CHCHD3: variants seen among roughly 807,000 people sequenced by gnomAD.
CHCHD3 encodes the protein coiled-coil-helix-coiled-coil-helix domain containing 3, also known as MICOS complex subunit MIC19.
A neutral mutation model predicts 38.2 loss-of-function variants in CHCHD3; 20 were observed. The ratio of observed to expected loss-of-function variants is 0.52; its 90% CI spans 0.37 to 0.76. The LOEUF (loss-of-function observed/expected upper bound fraction) is 0.76. CHCHD3 is among the 30% of genes least tolerant of loss of function. The pLI, the probability that CHCHD3 is intolerant of heterozygous loss-of-function variation, is 0.00. For missense variants in CHCHD3, 245 were observed against 279.2 expected, an observed-to-expected ratio of 0.88 and a Z score of 0.87; for synonymous variants, 82 against 100.0, an observed-to-expected ratio of 0.82 and a Z score of 1.07.
intron 2 of CHCHD3, among the ~76,000 whole-genome samples, chr7:133,027,363 A>AGAGAGAGAGAGAGAGAG (rs1554402334): frequency 1.5e-5 from 2 of 133,792 alleles, no homozygotes; most frequent in African/African-American, 2.7e-5. Context: ...AATAAGTTGT[A>AGAGAGAGAGAGAGAGAG]AGAGAGAGAG....
chr7:132,895,630 C>T (rs1180404405), intron 4 of CHCHD3, among the ~76,000 whole-genome samples: 1 of 152,210 alleles, frequency 6.6e-6, no homozygotes, highest in African/African-American at 2.4e-5. Flanking sequence ...GTCCTCATGA[C>T]AGTGAATAAG....
chr7:133,034,957 A>G, intron 2 of CHCHD3: 1 of 1,601,250 alleles, frequency 6.2e-7, no homozygotes, highest in South Asian at 1.1e-5. Context: ...TCTGAGTACC[A>G]CAGGGACCAG....
At chr7:132,949,886 A>C (rs1423370815) in intron 4 of CHCHD3, among the ~76,000 whole-genome samples, 1 of 152,176 alleles carries the variant, frequency 6.6e-6, no homozygotes, top group Non-Finnish European at 1.5e-5. Flanking sequence ...TAGTCTAGAC[A>C]CAAAAAGTAG....
At chr7:132,953,152 A>C (rs1375285936) in intron 4 of CHCHD3, among the ~76,000 whole-genome samples, 15 of 152,176 alleles carry the variant, frequency 9.9e-5, no homozygotes, top group Non-Finnish European at 1.0e-4. Flanking sequence ...AGCCTTATAG[A>C]GTCCTTCACT....
intron 6 of CHCHD3, among the ~76,000 whole-genome samples, chr7:132,829,119 C>G (rs919270719): frequency 1.3e-5 from 2 of 152,268 alleles, no homozygotes; most frequent in East Asian, 3.9e-4. Context: ...AAGCCCTTAA[C>G]AAGTAAATGA....
intron 6 of CHCHD3, among the ~76,000 whole-genome samples, chr7:132,836,367 G>C (rs894775102): frequency 4.6e-5 from 7 of 152,150 alleles, no homozygotes; most frequent in African/African-American, 1.7e-4. Context: ...TGATCTGCCT[G>C]CCTCAGTCTC....
At chr7:132,965,059 A>ATG (rs5887603) in intron 4 of CHCHD3, among the ~76,000 whole-genome samples, 3,166 of 148,118 alleles carry the variant, frequency 0.021, 98 homozygotes, top group African/African-American at 0.061. Flanking sequence ...TATGGGTTTT[A>ATG]TGTGTGTGTG....
intron 2 of CHCHD3, among the ~76,000 whole-genome samples, chr7:133,055,361 T>C (rs921994539): frequency 9.6e-5 from 14 of 145,640 alleles, no homozygotes; most frequent in African/African-American, 3.2e-4. Context: ...GTATTATATA[T>C]TTGATTATAA....
intron 3 of CHCHD3, among the ~76,000 whole-genome samples, chr7:133,020,577 T>C (rs1813151860): frequency 6.6e-6 from 1 of 152,230 alleles, no homozygotes; most frequent in Non-Finnish European, 1.5e-5. Flanking sequence ...TTATCAATTC[T>C]AGGATGCATA....
chr7:133,011,086 A>T lies in CHCHD3; in HGVS notation c.251+13460T>A, dbSNP rs149267513. Among the ~76,000 whole-genome samples, 142 of 152,276 alleles carry T rather than the reference A, an allele frequency of 9.3e-4. 1 individual carries two copies. Among genetic ancestry groups the T allele is most frequent in the African/African-American group, 3.2e-3 (135 of 41,564 alleles). On this transcript the variant is annotated intron_variant, in intron 3 of 7. Coordinates refer to ENST00000262570, the MANE Select transcript of CHCHD3 (RefSeq NM_017812.4). ...TCAGCCATGCAAAATATGAAGTGCA[A>T]ATATTCTGGACAAGGAGCTATAGGC... is the stretch of plus-strand genomic sequence containing the variant.
At chr7:133,043,608 T>C (rs998988211) in intron 2 of CHCHD3, among the ~76,000 whole-genome samples, 2 of 150,068 alleles carry the variant, frequency 1.3e-5, no homozygotes, top group Non-Finnish European at 2.9e-5. Flanking sequence ...ATAGCGCCAC[T>C]GCACTCCAGC....
At chr7:132,941,974 T>C (rs540480618) in intron 4 of CHCHD3, among the ~76,000 whole-genome samples, 26 of 152,204 alleles carry the variant, frequency 1.7e-4, no homozygotes, top group Non-Finnish European at 3.4e-4. Context: ...CTATGCTCAT[T>C]TGAAAGATGA....
At chr7:132,967,773 T>C (rs1178909734) in intron 4 of CHCHD3, among the ~76,000 whole-genome samples, 2 of 149,474 alleles carry the variant, frequency 1.3e-5, no homozygotes, top group Admixed American at 6.7e-5. Context: ...AAGGCTGCAA[T>C]GAGCCGTGAT....
intron 4 of CHCHD3, among the ~76,000 whole-genome samples, chr7:132,908,802 T>A (rs914042797): frequency 6.6e-6 from 1 of 152,196 alleles, no homozygotes; most frequent in Non-Finnish European, 1.5e-5. Context: ...AACTAATAGT[T>A]GTGTAGTACT....
At chr7:132,948,145 T>G (rs1348677893) in intron 4 of CHCHD3, among the ~76,000 whole-genome samples, 1 of 152,124 alleles carries the variant, frequency 6.6e-6, no homozygotes, top group Non-Finnish European at 1.5e-5. Flanking sequence ...TTTCCTTCTT[T>G]GCCTTCCAAA....
chr7:132,861,091 CTA>C (rs1808478712), intron 5 of CHCHD3, among the ~76,000 whole-genome samples: 1 of 152,040 alleles, frequency 6.6e-6, no homozygotes, highest in Admixed American at 6.6e-5. Flanking sequence ...CAAAATTGAA[CTA>C]TGTTTTGGAA....
At chr7:133,081,808 TG>T in intron 1 of CHCHD3, 48 bp downstream of exon 1, 1 of 1,536,386 alleles carries the variant, frequency 6.5e-7, no homozygotes, top group Non-Finnish European at 8.8e-7. Flanking sequence ...GATGGGGCCT[TG>T]GGGTCCGAGT....
chr7:132,882,612 G>A lies in CHCHD3; in HGVS notation c.453+3050C>T, dbSNP rs115879614. 3.0e-3 allele frequency among the ~76,000 whole-genome samples: 449 copies of A among 151,954 alleles called. 1 individual carries two copies. Among genetic ancestry groups the A allele is most frequent in the African/African-American group, 0.01 (430 of 41,450 alleles). On this transcript the variant is annotated intron_variant, in intron 5 of 7. Transcript: ENST00000262570. ...TGTTGAGCAGTTGTTGAGCAGATAA[G>A]TTCAATCTGCCAGAAACAAATCTTC...
chr7:133,081,804 G>T, intron 1 of CHCHD3, 53 bp downstream of exon 1: 1 of 1,524,966 alleles, frequency 6.6e-7, no homozygotes, highest in African/African-American at 1.4e-5. Flanking sequence ...AGAAGATGGG[G>T]CCTTGGGGTC....
Sources: gnomAD v4.1 joint callset for allele counts (sites outside exome capture counted in the v4.1 genomes callset) on GRCh38, gnomAD v4.1.1 for gene constraint, MANE v1.5 for transcripts, NCBI Gene and HGNC (gene_info 2026-07-23, HGNC 2026-07-21) for gene names.